The following RBSN variants were observed in gnomAD, a reference collection of about 807,000 sequenced individuals.
The protein encoded by RBSN is rabenosyn-5.
A neutral mutation model predicts 60.5 loss-of-function variants in RBSN; 34 were observed. That is an observed-to-expected ratio of 0.56 (90% CI 0.43 to 0.75). The LOEUF is 0.75. Among genes scored for constraint, RBSN ranks in the 30% least tolerant of loss-of-function variants. The pLI is 0.00. For synonymous variants in RBSN, 322 were observed against 366.9 expected, an observed-to-expected ratio of 0.88 and a Z score of 1.40; for missense variants, 845 against 986.8, an observed-to-expected ratio of 0.86 and a Z score of 1.92.
chr3:15,078,413 C>T (rs2043107278), intron 10 of RBSN, among the ~76,000 whole-genome samples: 1 of 152,168 alleles, frequency 6.6e-6, no homozygotes, highest in Non-Finnish European at 1.5e-5. Flanking sequence ...TTATGCTCAT[C>T]ACCAAAACAA....
Position 15,074,724 on chromosome 3 carries a change from C to A in RBSN, c.1413G>T (p.Arg471Ser). The change falls in exon 14 of 14, where the codon AGG becomes AGT. Residue 471 changes from arginine (R) to serine (S), a missense_variant. By Grantham distance (110) the Arg-to-Ser change is moderately radical. Coordinates refer to ENST00000253699, the MANE Select transcript of RBSN (RefSeq NM_022340.4). This position sits in a 1 kb window ranked among gnomAD's most constrained non-coding sequence, Gnocchi z 6.4. ...CCATGCGGCCCGCGGCCTTGGCCTG[C>A]CTGATGAATGATGTGATGTTGTGGA... ...QQIHNITSFIRQAKAAGRMDE... is the reference protein window; with the variant it reads ...QQIHNITSFISQAKAAGRMDE... 1 of 1,614,256 alleles carries A rather than the reference C, an allele frequency of 6.2e-7. No homozygotes were observed. The highest frequency in any genetic ancestry group is 8.5e-7 in the Non-Finnish European group (1 of 1,180,046).
At chr3:15,093,340 G>A (rs1309723441) in intron 4 of RBSN, among the ~76,000 whole-genome samples, 1 of 152,166 alleles carries the variant, frequency 6.6e-6, no homozygotes, top group Non-Finnish European at 1.5e-5. Context: ...CTAAAGACAT[G>A]ATCATTAATA....
rs2043082724 is a variant in RBSN at position 15,077,414 on chromosome 3, G to A, written c.999-250C>T. On this transcript the variant is annotated intron_variant, in intron 11 of 13. Transcript: ENST00000253699. This position sits in a 1 kb window ranked among gnomAD's most constrained non-coding sequence, Gnocchi z 4.4. ...CACATGCAGAGCCAGCTTCACAGGTGAGCAACCTATGCAACTGGAAAGGAC... is the reference window on the plus strand; with the variant it reads ...CACATGCAGAGCCAGCTTCACAGGTAAGCAACCTATGCAACTGGAAAGGAC... Among the ~76,000 whole-genome samples the A allele has an allele frequency of 6.6e-6, 1 of 152,176 alleles. No homozygotes were observed. Among genetic ancestry groups the A allele is most frequent in the Non-Finnish European group, 1.5e-5 (1 of 68,034 alleles).
chr3:15,091,272 A>T (rs1444268277), intron 4 of RBSN: 4 of 734,636 alleles, frequency 5.4e-6, no homozygotes, highest in East Asian at 1.3e-4. Context: ...AATGTTTTTT[A>T]AAAAACAAGT....
chr3:15,098,821 T>C (rs1445359682), intron 1 of RBSN, among the ~76,000 whole-genome samples: 1 of 152,052 alleles, frequency 6.6e-6, no homozygotes, highest in Non-Finnish European at 1.5e-5. Context: ...CACCCACAGC[T>C]GCACAACCAA....
intron 2 of RBSN, among the ~76,000 whole-genome samples, chr3:15,097,120 C>G (rs182890294): frequency 2.0e-4 from 30 of 152,282 alleles, no homozygotes; most frequent in African/African-American, 6.3e-4. Flanking sequence ...TGAGCCCCCC[C>G]AAACTGCTGA....
At chr3:15,093,385 G>A (rs2043568043) in intron 4 of RBSN, among the ~76,000 whole-genome samples, 1 of 152,140 alleles carries the variant, frequency 6.6e-6, no homozygotes, top group African/African-American at 2.4e-5. Flanking sequence ...GTAAGGCAGG[G>A]TGGGAAATAA....
Position 15,074,303 on chromosome 3 carries a change from G to A in RBSN, c.1834C>T (p.Pro612Ser). ...TGTTGCTGTGGCATGCTGCTCTGGG[G>A]TAAGCGCTCCTGGCCAACGGCTGGG... ...GPPAVGQERL[P>S]QSSMPQQHEG... The change falls in exon 14 of 14, where the codon CCC becomes TCC. Residue 612 changes from proline (P) to serine (S), a missense_variant. Physicochemically the swap from Pro to Ser is moderately conservative, Grantham distance 74 (BLOSUM62 -1). Transcript: ENST00000253699. This position sits in a 1 kb window ranked among gnomAD's most constrained non-coding sequence, Gnocchi z 6.4. 2 of 1,614,142 alleles carry A rather than the reference G, an allele frequency of 1.2e-6. No individual in the cohort carries two copies.
Position 15,096,143 on chromosome 3 carries a change from G to A in RBSN, c.-23C>T, listed in dbSNP as rs2043651598. 1 of 1,533,808 alleles carries A rather than the reference G, an allele frequency of 6.5e-7. No individual in the cohort carries two copies. Among genetic ancestry groups the A allele is most frequent in the Non-Finnish European group, 8.7e-7 (1 of 1,144,612 alleles). On this transcript the variant is annotated 5_prime_UTR_variant, in exon 4 of 14. Transcript: ENST00000253699. Reference sequence around the variant, plus strand: ...CATGGCAGTGCCGCTCTCAACCCTAGGAAGGCAGGAATCTCATGCCAAGAG... The same window carrying A: ...CATGGCAGTGCCGCTCTCAACCCTAAGAAGGCAGGAATCTCATGCCAAGAG...
rs2043082777 is a variant in RBSN at position 15,077,417 on chromosome 3, C to A, written c.999-253G>T. ...ATGCAGAGCCAGCTTCACAGGTGAGCAACCTATGCAACTGGAAAGGACTGG... is the reference window on the plus strand; with the variant it reads ...ATGCAGAGCCAGCTTCACAGGTGAGAAACCTATGCAACTGGAAAGGACTGG... On this transcript the variant is annotated intron_variant, in intron 11 of 13. Coordinates refer to ENST00000253699, the MANE Select transcript of RBSN (RefSeq NM_022340.4). This position sits in a 1 kb window ranked among gnomAD's most constrained non-coding sequence, Gnocchi z 4.4. Among the ~76,000 whole-genome samples, 1 of 152,308 alleles carries A rather than the reference C, an allele frequency of 6.6e-6. No individual in the cohort carries two copies. The highest frequency in any genetic ancestry group is 6.5e-5 in the Admixed American group (1 of 15,304).
chr3:15,090,588 T>C, intron 4 of RBSN, 49 bp from the exon 5 acceptor site: 3 of 1,575,290 alleles, frequency 1.9e-6, no homozygotes, highest in Non-Finnish European at 2.6e-6. Context: ...GAACACCCAG[T>C]AAACAGTCAA....
chr3:15,071,381 G>C lies in RBSN; in HGVS notation c.*2401C>G, dbSNP rs902500037. ...GAAATGAGACCCTAAGCAGGGAGGA[G>C]CCTACTGGCCATCTGAGAAACCCTC... On this transcript the variant is annotated 3_prime_UTR_variant, in exon 14 of 14. Transcript: ENST00000253699. 1.3e-5 allele frequency: 2 copies of C among 152,228 alleles called. No individual in the cohort carries two copies. Among genetic ancestry groups the C allele is most frequent in the Admixed American group, 1.3e-4 (2 of 15,284 alleles). The allele number at this position is 152,228 out of a possible 1,614,324, so 9.4% of individuals were successfully genotyped here. A position where few individuals can be genotyped will look rare whatever the true frequency, so the allele number is the denominator to read the frequency against.
intron 5 of RBSN, 130 bp from the exon 6 acceptor site, chr3:15,086,091 CAAAAAAAAAAAAAA>C (rs60131546): frequency 5.3e-5 from 5 of 94,820 alleles, no homozygotes; most frequent in Middle Eastern, 4.5e-3. Flanking sequence ...CGTCTCTCTC[CAAAAAAAAAAAAAA>C]AAAAAAAAAT....
intron 5 of RBSN, among the ~76,000 whole-genome samples, chr3:15,088,364 C>A (rs568489434): frequency 6.6e-6 from 1 of 151,806 alleles, no homozygotes; most frequent in East Asian, 1.9e-4. Context: ...CTCATAATTA[C>A]ATATGTATAG....
At position 15,074,513 on chromosome 3, in the gene RBSN, G is replaced by A; in HGVS notation, c.1624C>T (p.Leu542=). The A allele has an allele frequency of 1.2e-6, 2 of 1,614,204 alleles. No homozygotes were observed. Among genetic ancestry groups the A allele is most frequent in the Non-Finnish European group, 1.7e-6 (2 of 1,180,040 alleles). The change falls in exon 14 of 14, where the codon CTG becomes TTG. Residue 542 remains leucine, a synonymous_variant. Transcript: ENST00000253699. The surrounding 1 kb of genome is among the most constrained non-coding windows in gnomAD (Gnocchi z 6.4). ...TCCAGGGACCGAGTCCGTGTGTGCA[G>A]GGATGCCACCCGAAACTGCTCCCTT... ...REREQFRVAS[L]HTRTRSLDFR...
At chr3:15,079,741 G>C (rs1333004455) in intron 10 of RBSN, among the ~76,000 whole-genome samples, 1 of 152,190 alleles carries the variant, frequency 6.6e-6, no homozygotes, top group Admixed American at 6.5e-5. Context: ...AATCCATAGA[G>C]ACAGGAAATA....
intron 2 of RBSN, among the ~76,000 whole-genome samples, chr3:15,097,409 G>T (rs1377632066): frequency 6.6e-6 from 1 of 152,158 alleles, no homozygotes; most frequent in African/African-American, 2.4e-5. Context: ...CAGCTAGTGG[G>T]GGTACTGAGG....
chr3:15,095,190 T>A (rs937169685), intron 4 of RBSN, among the ~76,000 whole-genome samples: 1 of 152,014 alleles, frequency 6.6e-6, no homozygotes, highest in East Asian at 1.9e-4. Context: ...AGTTGTTTTT[T>A]TTTTTAATTT....
At chr3:15,076,232 T>C (rs931245987) in intron 12 of RBSN, among the ~76,000 whole-genome samples, 1 of 152,190 alleles carries the variant, frequency 6.6e-6, no homozygotes, top group Non-Finnish European at 1.5e-5. Flanking sequence ...ATAGAGTCAC[T>C]AATCAAAGTG....
Sources: allele counts gnomAD v4.1 joint callset (sites outside exome capture counted in the v4.1 genomes callset), GRCh38; gene constraint gnomAD v4.1.1; non-coding constraint Gnocchi (gnomAD v3.1); transcripts MANE v1.5; gene names NCBI Gene and HGNC (gene_info 2026-07-23, HGNC 2026-07-21).